Variants in TTLL5 observed in about 807,000 individuals in gnomAD.
TTLL5 encodes the protein tubulin tyrosine ligase like 5, also known as tubulin polyglutamylase TTLL5.
A neutral mutation model predicts 168.4 loss-of-function variants in TTLL5; 132 were observed. That is an observed-to-expected ratio of 0.78 (90% confidence interval 0.68 to 0.91). The LOEUF (loss-of-function observed/expected upper bound fraction) is 0.91. TTLL5 is among the 40% of genes least tolerant of loss of function. The pLI is 0.00. For missense variants in TTLL5, 1,545 were observed against 1,581.5 expected (o/e 0.98, Z 0.39); for synonymous variants, 546 against 558.6 (o/e 0.98, Z 0.32).
At chr14:75,862,731 A>G (rs1448628213) in intron 28 of TTLL5, among the ~76,000 whole-genome samples, 13 of 151,854 alleles carry the variant, frequency 8.6e-5, no homozygotes, top group Admixed American at 8.5e-4. Context: ...GCTTGAGCCC[A>G]GGAGTTTGAG....
intron 5 of TTLL5, chr14:75,684,595 G>C (rs1884888013): frequency 6.6e-6 from 1 of 152,114 alleles, no homozygotes; most frequent in Admixed American, 6.6e-5. Flanking sequence ...TTGGTGTTTG[G>C]ATGAATTGTA....
chr14:75,666,211 G>A (rs941352220), intron 2 of TTLL5, among the ~76,000 whole-genome samples: 1 of 152,182 alleles, frequency 6.6e-6, no homozygotes, highest in Non-Finnish European at 1.5e-5. Flanking sequence ...ATAAATCATC[G>A]GAAGATGTTG....
chr14:75,951,317 C>G (rs929500124), intron 31 of TTLL5, among the ~76,000 whole-genome samples: 3 of 152,014 alleles, frequency 2.0e-5, no homozygotes, highest in Non-Finnish European at 4.4e-5. Flanking sequence ...CCACTGCACT[C>G]CAGCTTGGGT....
rs2140035871 is a variant in TTLL5 at position 75,885,896 on chromosome 14, G to A, written c.3740+2994G>A. On this transcript the variant is annotated intron_variant, in intron 30 of 31. Coordinates refer to ENST00000298832, the MANE Select transcript of TTLL5 (RefSeq NM_015072.5). ...TGTAATACATACTAAATCAGTGTTA[G>A]GTACTATTATGCATTTCAAGAAATT... Among the ~76,000 whole-genome samples the A allele has an allele frequency of 2.0e-5, 3 of 152,284 alleles. No homozygotes were observed. In the South Asian group the frequency reaches 6.2e-4, roughly 32 times the overall value.
chr14:75,806,402 G>C (rs1893657041), intron 27 of TTLL5, among the ~76,000 whole-genome samples: 1 of 152,136 alleles, frequency 6.6e-6, no homozygotes, highest in South Asian at 2.1e-4. Context: ...AGGGCCTTCT[G>C]TTGTCTATAA....
In TTLL5 at chr14:75,707,647, A is replaced by G. The variant is rs1886754576; in HGVS notation, c.680A>G (p.Tyr227Cys). The change falls in exon 9 of 32, where the codon TAT becomes TGT. Residue 227 changes from tyrosine (Y) to cysteine (C), a missense_variant. By Grantham distance (194) the Tyr-to-Cys change is radical. Coordinates refer to ENST00000298832, the MANE Select transcript of TTLL5 (RefSeq NM_015072.5). ...GATTTCAAGTTTGACGTGCGCCTCT[A>G]TGTGCTCGTGACTTCCTATGATCCT... Reference protein sequence around the residue: ...IDDFKFDVRLYVLVTSYDPLV... With the variant: ...IDDFKFDVRLCVLVTSYDPLV... 2.6e-6 allele frequency: 4 copies of G among 1,563,670 alleles called. No individual in the cohort carries two copies. The highest frequency in any genetic ancestry group is 2.6e-6 in the Non-Finnish European group (3 of 1,149,290).
At chr14:75,669,585 G>A in intron 3 of TTLL5, 63 bp downstream of exon 3, 2 of 1,442,372 alleles carry the variant, frequency 1.4e-6, no homozygotes, top group Non-Finnish European at 1.9e-6. Flanking sequence ...TTGTCTTAAA[G>A]AAGTTGATAT....
At chr14:75,819,465 A>G (rs1894704444) in intron 27 of TTLL5, among the ~76,000 whole-genome samples, 1 of 152,226 alleles carries the variant, frequency 6.6e-6, no homozygotes, top group Admixed American at 6.5e-5. Context: ...TACATTTACC[A>G]GTAGAAATGA....
At chr14:75,676,408 C>T (rs916713905) in intron 3 of TTLL5, among the ~76,000 whole-genome samples, 2 of 152,122 alleles carry the variant, frequency 1.3e-5, no homozygotes, top group Admixed American at 1.3e-4. Context: ...AGTGACAGAC[C>T]ACATCTGCAG....
At chr14:75,798,525 GT>G (rs1893111907) in intron 27 of TTLL5, among the ~76,000 whole-genome samples, 1 of 151,528 alleles carries the variant, frequency 6.6e-6, no homozygotes, top group South Asian at 2.1e-4. Flanking sequence ...GTTTGTTCTT[GT>G]TTCTCTAGTT....
intron 8 of TTLL5, among the ~76,000 whole-genome samples, chr14:75,707,346 ATGAC>A (rs1245934082): frequency 1.3e-5 from 2 of 152,154 alleles, no homozygotes; most frequent in Non-Finnish European, 2.9e-5. Flanking sequence ...ATATATGAAA[ATGAC>A]ACACATATGC....
At chr14:75,904,077 G>A (rs2033042237) in intron 31 of TTLL5, 2 of 1,217,010 alleles carry the variant, frequency 1.6e-6, no homozygotes, top group Non-Finnish European at 2.1e-6. Context: ...CCCTGCTCAT[G>A]CCCCAGTTCC....
intron 13 of TTLL5, 134 bp downstream of exon 13, chr14:75,732,553 T>G (rs1445881122): frequency 1.4e-6 from 1 of 701,322 alleles, no homozygotes. Context: ...AACCAGACTT[T>G]CTTAAATCAG....
intron 12 of TTLL5, among the ~76,000 whole-genome samples, chr14:75,731,006 C>A (rs2140230210): frequency 6.6e-6 from 1 of 152,286 alleles, no homozygotes; most frequent in Non-Finnish European, 1.5e-5. Flanking sequence ...GCATGAGCCA[C>A]CATACCCGGC....
intron 31 of TTLL5, among the ~76,000 whole-genome samples, chr14:75,939,117 A>G (rs113130605): frequency 0.011 from 1,630 of 152,210 alleles, 30 homozygotes; most frequent in African/African-American, 0.038. Context: ...CATTTGTTTT[A>G]CCGTAGAGAG....
chr14:75,714,834 A>G (rs980073388), intron 9 of TTLL5, among the ~76,000 whole-genome samples: 1 of 152,182 alleles, frequency 6.6e-6, no homozygotes, highest in African/African-American at 2.4e-5. Flanking sequence ...TGGGTGCTAG[A>G]TACGCTCATT....
chr14:75,668,437 G>A (rs1379838700), intron 2 of TTLL5, among the ~76,000 whole-genome samples: 2 of 152,174 alleles, frequency 1.3e-5, no homozygotes, highest in Non-Finnish European at 2.9e-5. Context: ...AGAGCTCTTA[G>A]TTTAAATCCT....
chr14:75,724,445 A>G (rs1462008258), intron 12 of TTLL5, among the ~76,000 whole-genome samples: 4 of 152,188 alleles, frequency 2.6e-5, no homozygotes, highest in African/African-American at 9.7e-5. Context: ...CCTCCATTGC[A>G]CTATTAGTGT....
chr14:75,704,248 T>C (rs916831137), intron 7 of TTLL5, among the ~76,000 whole-genome samples: 1 of 152,158 alleles, frequency 6.6e-6, no homozygotes, highest in African/African-American at 2.4e-5. Flanking sequence ...TTTAGAAAGA[T>C]ACCTTTCCAG....
Sources: gnomAD v4.1 joint callset for allele counts (sites outside exome capture counted in the v4.1 genomes callset) on GRCh38, gnomAD v4.1.1 for gene constraint, MANE v1.5 for transcripts, NCBI Gene and HGNC (gene_info 2026-07-23, HGNC 2026-07-21) for gene names.